Variants in ATP10B observed in about 807,000 individuals in gnomAD.
ATP10B encodes phospholipid-transporting ATPase VB.
ATP10B carries 122 observed loss-of-function variants against 141.2 expected under a neutral mutation model. The ratio of observed to expected loss-of-function variants is 0.86; its 90% CI spans 0.75 to 1.00. The LOEUF (loss-of-function observed/expected upper bound fraction) is 1.00. Among genes scored for constraint, ATP10B ranks in the 50% least tolerant of loss-of-function variants. The pLI is 0.00. For synonymous variants in ATP10B, 685 were observed against 692.0 expected (o/e 0.99, Z 0.16); for missense variants, 1,876 against 1,825.3 (o/e 1.03, Z -0.51).
chr5:160,822,421 A>G (rs1269682543), intron 1 of ATP10B, among the ~76,000 whole-genome samples: 1 of 152,186 alleles, frequency 6.6e-6, no homozygotes, highest in Non-Finnish European at 1.5e-5. Context: ...TGGGAATGTA[A>G]ATTAGTAAAA....
chr5:160,815,433 A>G (rs1037239601), intron 1 of ATP10B, among the ~76,000 whole-genome samples: 7 of 152,228 alleles, frequency 4.6e-5, no homozygotes, highest in Non-Finnish European at 7.4e-5. Flanking sequence ...CAACAAGAAG[A>G]GCTAACTATC....
intron 1 of ATP10B, among the ~76,000 whole-genome samples, chr5:160,828,167 A>G (rs1479870196): frequency 2.0e-5 from 3 of 152,148 alleles, no homozygotes; most frequent in Non-Finnish European, 4.4e-5. Context: ...CTTCATGTCT[A>G]AAACACCAAA....
chr5:160,723,843 T>A (rs1045805103), intron 2 of ATP10B, among the ~76,000 whole-genome samples: 1 of 152,118 alleles, frequency 6.6e-6, no homozygotes, highest in South Asian at 2.1e-4. Flanking sequence ...ACGTTCACTG[T>A]AGCATGAGTC....
chr5:160,920,134 G>A, the ATP10B span, among the ~76,000 whole-genome samples: 1 of 152,198 alleles, frequency 6.6e-6, no homozygotes, highest in African/African-American at 2.4e-5. Context: ...ATGGCAGGGA[G>A]AGTGGACACT....
chr5:160,734,841 T>C (rs1249607560), intron 2 of ATP10B, among the ~76,000 whole-genome samples: 1 of 151,962 alleles, frequency 6.6e-6, no homozygotes, highest in Non-Finnish European at 1.5e-5. Flanking sequence ...TCAGAATGTA[T>C]AAAAATTAAT....
rs138221953 is a variant in ATP10B at position 160,636,050 on chromosome 5, C to T, written c.1128+132G>A. ...ATACTTTCAAAGACGCACAAGAAAGCGATGACCATCTCCTCATCTCAATCC... is the reference window on the plus strand; with the variant it reads ...ATACTTTCAAAGACGCACAAGAAAGTGATGACCATCTCCTCATCTCAATCC... On this transcript the variant is annotated intron_variant, in intron 11 of 25. Coordinates refer to ENST00000327245, the MANE Select transcript of ATP10B (RefSeq NM_025153.3). 6.4e-5 allele frequency: 67 copies of T among 1,052,260 alleles called. No individual in the cohort carries two copies. The Middle Eastern group carries it at 1.3e-3, about 21-fold the overall frequency. The allele number at this position is 1,052,260 out of a possible 1,614,324, so 65.2% of individuals were successfully genotyped here.
At chr5:160,804,159 G>C (rs1179624585) in intron 1 of ATP10B, among the ~76,000 whole-genome samples, 1 of 152,148 alleles carries the variant, frequency 6.6e-6, no homozygotes, top group African/African-American at 2.4e-5. Flanking sequence ...TTCTATAAGG[G>C]ATGAGGGTTG....
In ATP10B at chr5:160,757,825, C is replaced by T. The variant is rs183816980; in HGVS notation, c.-331+27734G>A. ...AGGATTTCCCAATCTTAGAACTATTCGCATTTTAGGCTGGATAAGGCTTTG... is the reference window on the plus strand; with the variant it reads ...AGGATTTCCCAATCTTAGAACTATTTGCATTTTAGGCTGGATAAGGCTTTG... On this transcript the variant is annotated intron_variant, in intron 2 of 25. Transcript: ENST00000327245. 1.0e-3 allele frequency among the ~76,000 whole-genome samples: 152 copies of T among 152,222 alleles called. 1 individual carries two copies. The highest frequency in any genetic ancestry group is 2.7e-3 in the South Asian group (13 of 4,814).
At chr5:160,649,376 A>T in intron 7 of ATP10B, 120 bp from the exon 8 acceptor site, 1 of 710,130 alleles carries the variant, frequency 1.4e-6, no homozygotes, top group Non-Finnish European at 2.4e-6. Context: ...GCTTTGTCAC[A>T]CTTTGATAGT....
At chr5:160,654,997 A>G (rs1301591367) in intron 7 of ATP10B, among the ~76,000 whole-genome samples, 1 of 152,120 alleles carries the variant, frequency 6.6e-6, no homozygotes, top group Non-Finnish European at 1.5e-5. Context: ...CTCCTTAACC[A>G]CAGTGTTATT....
At chr5:160,663,603 C>T (rs553526393) in intron 7 of ATP10B, among the ~76,000 whole-genome samples, 6 of 151,862 alleles carry the variant, frequency 4.0e-5, no homozygotes, top group African/African-American at 1.4e-4. Flanking sequence ...AACACATGGA[C>T]ACAGGAAGGG....
intron 1 of ATP10B, among the ~76,000 whole-genome samples, chr5:160,788,075 C>T (rs1771298343): frequency 6.6e-6 from 1 of 152,200 alleles, no homozygotes; most frequent in South Asian, 2.1e-4. Context: ...TTATTTGTTA[C>T]ATTCCCCTTG....
chr5:160,843,120 G>T (rs1341890643), intron 1 of ATP10B, among the ~76,000 whole-genome samples: 1 of 152,012 alleles, frequency 6.6e-6, no homozygotes, highest in Non-Finnish European at 1.5e-5. Flanking sequence ...TAATGACCAG[G>T]TGGCATACAT....
chr5:160,766,383 C>CACAG (rs1304731413), intron 2 of ATP10B, among the ~76,000 whole-genome samples: 14 of 130,756 alleles, frequency 1.1e-4, no homozygotes, highest in Non-Finnish European at 1.9e-4. Context: ...CACACACACA[C>CACAG]AGACACTCAC....
intron 3 of ATP10B, among the ~76,000 whole-genome samples, chr5:160,700,167 G>A (rs906754526): frequency 6.6e-6 from 1 of 152,202 alleles, no homozygotes; most frequent in Admixed American, 6.5e-5. Flanking sequence ...TTTAGAAGTT[G>A]TGGGGGAAGT....
chr5:160,880,414 G>C, the ATP10B span, among the ~76,000 whole-genome samples: 1 of 151,886 alleles, frequency 6.6e-6, no homozygotes, highest in South Asian at 2.1e-4. Context: ...TCAAAATTCC[G>C]AGAAGTTCTT....
At chr5:160,722,140 C>T (rs1766039078) in intron 2 of ATP10B, among the ~76,000 whole-genome samples, 2 of 152,166 alleles carry the variant, frequency 1.3e-5, no homozygotes, top group Admixed American at 6.6e-5. Flanking sequence ...AAACACATTT[C>T]AGATAGCCCA....
intron 2 of ATP10B, among the ~76,000 whole-genome samples, chr5:160,736,876 A>G (rs1767154317): frequency 6.6e-6 from 1 of 152,220 alleles, no homozygotes; most frequent in African/African-American, 2.4e-5. Flanking sequence ...TATTCTGCAA[A>G]TAGAGATGGG....
intron 1 of ATP10B, among the ~76,000 whole-genome samples, chr5:160,829,148 G>A (rs1418291154): frequency 6.6e-5 from 10 of 151,648 alleles, no homozygotes; most frequent in African/African-American, 2.4e-4. Flanking sequence ...CATGGCACAT[G>A]TATACATATG....
Sources: allele counts gnomAD v4.1 joint callset (sites outside exome capture counted in the v4.1 genomes callset), GRCh38; gene constraint gnomAD v4.1.1; transcripts MANE v1.5; gene names NCBI Gene and HGNC (gene_info 2026-07-23, HGNC 2026-07-21).